AGPAT4: variants seen among roughly 807,000 people sequenced by gnomAD.
AGPAT4 encodes the protein 1-acyl-sn-glycerol-3-phosphate acyltransferase delta.
In AGPAT4, 15 loss-of-function variants were observed where a neutral mutation model predicts 48.0. That is an observed-to-expected ratio of 0.31 (90% CI 0.21 to 0.48). AGPAT4 has a LOEUF of 0.48. Ranked by LOEUF, AGPAT4 falls within the 20% of genes least tolerant of loss-of-function variation. AGPAT4 has a pLI of 0.99. For synonymous variants in AGPAT4, 178 were observed against 198.7 expected, an observed-to-expected ratio of 0.90 and a Z score of 0.88; for missense variants, 314 against 482.5, an observed-to-expected ratio of 0.65 and a Z score of 3.27.
chr6:161,210,100 T>A (rs961864455), intron 2 of AGPAT4, among the ~76,000 whole-genome samples: 5 of 152,118 alleles, frequency 3.3e-5, no homozygotes, highest in Non-Finnish European at 5.9e-5. Context: ...AGACCCAGGA[T>A]TCAGTGTAGG....
In AGPAT4 at chr6:161,137,982, C is replaced by T. The variant is rs185477814; in HGVS notation, c.1043-1348G>A. On this transcript the variant is annotated intron_variant, in intron 8 of 8. Transcript: ENST00000320285. The surrounding 1 kb of genome is among the most constrained non-coding windows in gnomAD (Gnocchi z 6.1). ...TCGCTACACAGCTGGGTGGCCCTGTCTGCAGCCTTCATCCTGAAGGGGCCC... is the reference window on the plus strand; with the variant it reads ...TCGCTACACAGCTGGGTGGCCCTGTTTGCAGCCTTCATCCTGAAGGGGCCC... Among the ~76,000 whole-genome samples, 6 of 152,342 alleles carry T rather than the reference C, an allele frequency of 3.9e-5. No individual in the cohort carries two copies. The highest frequency in any genetic ancestry group is 7.4e-5 in the Non-Finnish European group (5 of 68,026).
rs1332928660 is a variant in AGPAT4, at chr6:161,272,301, C to T, written c.-90+1637G>A. ...AAGTAATGATTTTGGCTTTAGCAGC[C>T]GGAAGGTATGAGGGCTAAGTGACCT... On this transcript the variant is annotated intron_variant, in intron 1 of 8. Transcript: ENST00000320285. The surrounding 1 kb of genome is among the most constrained non-coding windows in gnomAD (Gnocchi z 4.2). 1.3e-5 allele frequency among the ~76,000 whole-genome samples: 2 copies of T among 152,050 alleles called. No homozygotes were observed. Among genetic ancestry groups the T allele is most frequent in the African/African-American group, 2.4e-5 (1 of 41,396 alleles).
intron 1 of AGPAT4, among the ~76,000 whole-genome samples, chr6:161,256,645 G>A (rs1394430619): frequency 1.3e-5 from 2 of 152,240 alleles, no homozygotes; most frequent in Non-Finnish European, 2.9e-5. Flanking sequence ...TCGGGAGGCA[G>A]AGACGGCGTC....
chr6:161,195,576 T>C lies in AGPAT4; in HGVS notation c.179-29159A>G, dbSNP rs1383361012. Among the ~76,000 whole-genome samples the C allele has an allele frequency of 6.6e-6, 1 of 152,186 alleles. No individual in the cohort carries two copies. The highest frequency in any genetic ancestry group is 6.5e-5 in the Admixed American group (1 of 15,276). ...TCACTCAGCAAGCCCATGATGCCTG[T>C]AGTATAAAAGCAAATGTTGCAGAAC... On this transcript the variant is annotated intron_variant, in intron 2 of 8. Transcript: ENST00000320285. This position sits in a 1 kb window ranked among gnomAD's most constrained non-coding sequence, Gnocchi z 5.0.
chr6:161,188,557 T>A (rs888676212), intron 2 of AGPAT4, among the ~76,000 whole-genome samples: 43 of 152,226 alleles, frequency 2.8e-4, no homozygotes, highest in African/African-American at 1.0e-3. Flanking sequence ...TTTTTTAGCA[T>A]AAGTATGTCC....
chr6:161,166,141 C>T lies in AGPAT4; in HGVS notation c.348+107G>A. On this transcript the variant is annotated intron_variant, in intron 3 of 8. Transcript: ENST00000320285. The surrounding 1 kb of genome is among the most constrained non-coding windows in gnomAD (Gnocchi z 6.7). The stretch of plus-strand genomic sequence containing the variant: ...TTAGGACCATTTCATCAAGTAGAAA[C>T]TCTGTTGATTCTTCTGCAAGTTCTG... 7.0e-7 allele frequency: 1 copy of T among 1,429,376 alleles called. No homozygotes were observed. Among genetic ancestry groups the T allele is most frequent in the South Asian group, 1.3e-5 (1 of 77,842 alleles). The allele number at this position is 1,429,376 out of a possible 1,614,324, so 88.5% of individuals were successfully genotyped here.
rs538749354 is a variant in AGPAT4, at chr6:161,218,164, C to T, written c.178+13872G>A. 2.0e-5 allele frequency among the ~76,000 whole-genome samples: 3 copies of T among 152,168 alleles called. No homozygotes were observed. The highest frequency in any genetic ancestry group is 4.4e-5 in the Non-Finnish European group (3 of 68,036). On this transcript the variant is annotated intron_variant, in intron 2 of 8. Coordinates refer to ENST00000320285, the MANE Select transcript of AGPAT4 (RefSeq NM_020133.3). The surrounding 1 kb of genome is among the most constrained non-coding windows in gnomAD (Gnocchi z 4.7). ...CAAGATGACTGTAGCTCTCTACCCC[C>T]GTCCACAGTGACGGTGCCAATGGTG...
Position 161,219,875 on chromosome 6 carries a change from G to GATAGATAGATAGA in AGPAT4, c.178+12160_178+12161insTCTATCTATCTAT, listed in dbSNP as rs1264247630. ...GATAGATAGATAGATAGATAGATAGGCAGGCAGGCAGGCAGGCAGGCAGGC... is the reference window on the plus strand; with the variant it reads ...GATAGATAGATAGATAGATAGATAGGATAGATAGATAGACAGGCAGGCAGGCAGGCAGGCAGGC... On this transcript the variant is annotated intron_variant, in intron 2 of 8. Coordinates refer to ENST00000320285, the MANE Select transcript of AGPAT4 (RefSeq NM_020133.3). The surrounding 1 kb of genome is among the most constrained non-coding windows in gnomAD (Gnocchi z 4.9). Among the ~76,000 whole-genome samples the GATAGATAGATAGA allele has an allele frequency of 2.6e-5, 2 of 75,766 alleles. No individual in the cohort carries two copies. Among genetic ancestry groups the GATAGATAGATAGA allele is most frequent in the African/African-American group, 4.6e-5 (1 of 21,808 alleles). The allele number at this position is 75,766 out of a possible 152,430, so 49.7% of individuals were successfully genotyped here. A position where few individuals can be genotyped will look rare whatever the true frequency, so the allele number is the denominator to read the frequency against.
Position 161,139,680 on chromosome 6 carries a change from C to T in AGPAT4, c.844-60G>A, listed in dbSNP as rs1779187616. 1.3e-5 allele frequency: 19 copies of T among 1,448,026 alleles called. No individual in the cohort carries two copies. Among genetic ancestry groups the T allele is most frequent in the South Asian group, 9.2e-5 (7 of 75,898 alleles). The allele number at this position is 1,448,026 out of a possible 1,614,324, so 89.7% of individuals were successfully genotyped here. The stretch of plus-strand genomic sequence containing the variant: ...ACGGGGCTCGGTGGCAGGTCCCTCC[C>T]GAGGCCCTGCTTCCAAGGGAATCGC... On this transcript the variant is annotated intron_variant, in intron 7 of 8. Transcript: ENST00000320285. The surrounding 1 kb of genome is among the most constrained non-coding windows in gnomAD (Gnocchi z 9.1).
At chr6:161,173,082 T>A (rs998011364) in intron 2 of AGPAT4, among the ~76,000 whole-genome samples, 5 of 152,244 alleles carry the variant, frequency 3.3e-5, no homozygotes, top group African/African-American at 9.6e-5. Flanking sequence ...TTTGCTATTG[T>A]GAATAGTGCC....
Position 161,232,093 on chromosome 6 carries a change from T to C in AGPAT4, c.121A>G (p.Ile41Val). The change falls in exon 2 of 9, where the codon ATT (isoleucine) becomes GTT (valine). Residue 41 changes from isoleucine (I) to valine (V), a missense_variant. By Grantham distance (29) the Ile-to-Val change is conservative. Coordinates refer to ENST00000320285, the MANE Select transcript of AGPAT4 (RefSeq NM_020133.3). The surrounding 1 kb of genome is among the most constrained non-coding windows in gnomAD (Gnocchi z 6.8). ...IQLFTLLLWP[I>V]NKQLFRKINC... Reference sequence around the variant, plus strand: ...ATCTTCCGGAAGAGCTGCTTGTTAATGGGCCAGAGGAGGAGAGTGAAGAGC... The same window carrying C: ...ATCTTCCGGAAGAGCTGCTTGTTAACGGGCCAGAGGAGGAGAGTGAAGAGC... 6.2e-7 allele frequency: 1 copy of C among 1,614,060 alleles called. No homozygotes were observed. The highest frequency in any genetic ancestry group is 1.1e-5 in the South Asian group (1 of 91,076).
chr6:161,198,089 C>T lies in AGPAT4; in HGVS notation c.179-31672G>A, dbSNP rs1188422826. On this transcript the variant is annotated intron_variant, in intron 2 of 8. Coordinates refer to ENST00000320285, the MANE Select transcript of AGPAT4 (RefSeq NM_020133.3). This position sits in a 1 kb window ranked among gnomAD's most constrained non-coding sequence, Gnocchi z 4.3. ...TAATATTTTAAAATATTTCCCTTTA[C>T]TGTTCCATAATAAAGAACACATGTC... Among the ~76,000 whole-genome samples the T allele has an allele frequency of 6.6e-6, 1 of 152,068 alleles. No individual in the cohort carries two copies. Among genetic ancestry groups the T allele is most frequent in the Admixed American group, 6.5e-5 (1 of 15,278 alleles).
In AGPAT4 at chr6:161,261,031, C is replaced by A. The variant is rs1229466027; in HGVS notation, c.-90+12907G>T. Among the ~76,000 whole-genome samples, 11 of 152,372 alleles carry A rather than the reference C, an allele frequency of 7.2e-5. No homozygotes were observed. The South Asian group carries it at 2.1e-3, about 29-fold the overall frequency. ...TCTAGAATTTCCTGAGCAGGGCTCA[C>A]TCTGGTGCTCCGAGCTCGTGTATTC... is the stretch of plus-strand genomic sequence containing the variant. On this transcript the variant is annotated intron_variant, in intron 1 of 8. Transcript: ENST00000320285. This position sits in a 1 kb window ranked among gnomAD's most constrained non-coding sequence, Gnocchi z 5.3.
chr6:161,257,135 A>T (rs996883163), intron 1 of AGPAT4, among the ~76,000 whole-genome samples: 1 of 152,252 alleles, frequency 6.6e-6, no homozygotes, highest in Admixed American at 6.5e-5. Flanking sequence ...TTGGATCAGG[A>T]TAAAAGTAGT....
At position 161,236,561 on chromosome 6, in the gene AGPAT4, G is replaced by A. The variant is rs958583328; in HGVS notation, c.-89-4259C>T. 2.6e-5 allele frequency among the ~76,000 whole-genome samples: 4 copies of A among 152,230 alleles called. No individual in the cohort carries two copies. The highest frequency in any genetic ancestry group is 9.6e-5 in the African/African-American group (4 of 41,540). ...AAATCTGGCCACAGAGGCTGGCACGGTTACCTCTGGGGGCAGACAAGTGAC... is the reference window on the plus strand; with the variant it reads ...AAATCTGGCCACAGAGGCTGGCACGATTACCTCTGGGGGCAGACAAGTGAC... On this transcript the variant is annotated intron_variant, in intron 1 of 8. Coordinates refer to ENST00000320285, the MANE Select transcript of AGPAT4 (RefSeq NM_020133.3). This position sits in a 1 kb window ranked among gnomAD's most constrained non-coding sequence, Gnocchi z 5.0.
Position 161,232,691 on chromosome 6 carries a change from C to T in AGPAT4, c.-89-389G>A, listed in dbSNP as rs1782153781. ...ACAGGCCGCAAATCCGGCCTCCCCT[C>T]CTGCTGCCATCGCGGCCTGAGCCCC... On this transcript the variant is annotated intron_variant, in intron 1 of 8. Coordinates refer to ENST00000320285, the MANE Select transcript of AGPAT4 (RefSeq NM_020133.3). This position sits in a 1 kb window ranked among gnomAD's most constrained non-coding sequence, Gnocchi z 6.8. Among the ~76,000 whole-genome samples the T allele has an allele frequency of 6.6e-6, 1 of 152,194 alleles. No individual in the cohort carries two copies. Among genetic ancestry groups the T allele is most frequent in the Non-Finnish European group, 1.5e-5 (1 of 68,028 alleles).
At position 161,216,451 on chromosome 6, in the gene AGPAT4, T is replaced by TC. The variant is rs1462768600; in HGVS notation, c.178+15584dup. On this transcript the variant is annotated intron_variant, in intron 2 of 8. Transcript: ENST00000320285. The surrounding 1 kb of genome is among the most constrained non-coding windows in gnomAD (Gnocchi z 4.8). ...AGGACAGTGAAACGCTTCCGGGCAATCGTTCTTTCCTCATTCTTTCCCAAC... is the reference window on the plus strand; with the variant it reads ...AGGACAGTGAAACGCTTCCGGGCAATCCGTTCTTTCCTCATTCTTTCCCAAC... Among the ~76,000 whole-genome samples the TC allele has an allele frequency of 6.6e-6, 1 of 152,120 alleles. No individual in the cohort carries two copies. The highest frequency in any genetic ancestry group is 2.4e-5 in the African/African-American group (1 of 41,406).
intron 2 of AGPAT4, among the ~76,000 whole-genome samples, chr6:161,185,154 A>AC (rs1419031678): frequency 1.3e-5 from 2 of 151,964 alleles, no homozygotes; most frequent in African/African-American, 4.8e-5. Context: ...AAAAAAAAAA[A>AC]AAAAACAAGA....
At chr6:161,167,650 G>A (rs1267537790) in intron 2 of AGPAT4, among the ~76,000 whole-genome samples, 1 of 152,144 alleles carries the variant, frequency 6.6e-6, no homozygotes, top group Non-Finnish European at 1.5e-5. Context: ...GCCTAGTGTT[G>A]TAGCTCAAGC....
Sources: gnomAD v4.1 joint callset for allele counts (sites outside exome capture counted in the v4.1 genomes callset) on GRCh38, gnomAD v4.1.1 for gene constraint, Gnocchi (gnomAD v3.1) non-coding constraint, MANE v1.5 for transcripts, NCBI Gene and HGNC (gene_info 2026-07-23, HGNC 2026-07-21) for gene names.